The following PLCH1 variants were observed in gnomAD, a reference collection of about 807,000 sequenced individuals.
PLCH1 encodes phospholipase C eta 1, also known as 1-phosphatidylinositol 4,5-bisphosphate phosphodiesterase eta-1.
A neutral mutation model predicts 126.7 loss-of-function variants in PLCH1; 60 were observed. The ratio of observed to expected loss-of-function variants is 0.47; its 90% CI spans 0.38 to 0.59. PLCH1 has a LOEUF of 0.59. Among genes scored for constraint, PLCH1 ranks in the 20% least tolerant of loss-of-function variants. The pLI, the probability that PLCH1 is intolerant of heterozygous loss-of-function variation, is 0.00. For missense variants in PLCH1, 1,723 were observed against 2,040.0 expected (o/e 0.84, Z 2.99); for synonymous variants, 719 against 734.9 (o/e 0.98, Z 0.35).
chr3:155,637,364 A>G (rs1219284368), intron 2 of PLCH1, among the ~76,000 whole-genome samples: 2 of 152,358 alleles, frequency 1.3e-5, no homozygotes, highest in South Asian at 2.1e-4. Flanking sequence ...AAGGAATTCG[A>G]AAGTTCTATA....
At chr3:155,524,730 C>A (rs1576907610) in intron 10 of PLCH1, among the ~76,000 whole-genome samples, 1 of 152,042 alleles carries the variant, frequency 6.6e-6, no homozygotes, top group Admixed American at 6.5e-5. Flanking sequence ...TGACTTGGAA[C>A]CTGGAGCCAG....
At chr3:155,586,958 A>G (rs1372217042) in intron 4 of PLCH1, among the ~76,000 whole-genome samples, 1 of 152,188 alleles carries the variant, frequency 6.6e-6, no homozygotes, top group Non-Finnish European at 1.5e-5. Context: ...AGAAAATGAC[A>G]CCTTAATTCA....
At chr3:155,502,229 A>G (rs1718013453) in intron 13 of PLCH1, among the ~76,000 whole-genome samples, 1 of 152,120 alleles carries the variant, frequency 6.6e-6, no homozygotes, top group South Asian at 2.1e-4. Context: ...CTAGCTTCCT[A>G]TTGGATCTTT....
In PLCH1 at chr3:155,722,622, T is replaced by C. The variant is rs148785343; in HGVS notation, c.-40-18358A>G. Reference sequence around the variant, plus strand: ...AATTCTGTTTATGTGGTGTATCATATTCATTGATTTGCACATGTGAAACCA... The same window carrying C: ...AATTCTGTTTATGTGGTGTATCATACTCATTGATTTGCACATGTGAAACCA... On this transcript the variant is annotated intron_variant, in intron 1 of 22. Transcript: ENST00000460012. Among the ~76,000 whole-genome samples, 13 of 152,356 alleles carry C rather than the reference T, an allele frequency of 8.5e-5. No homozygotes were observed. The East Asian group carries it at 1.2e-3, about 14-fold the overall frequency.
intron 5 of PLCH1, among the ~76,000 whole-genome samples, chr3:155,584,471 T>A (rs992335135): frequency 1.3e-5 from 2 of 152,226 alleles, no homozygotes; most frequent in Non-Finnish European, 2.9e-5. Context: ...TTAAAATTGT[T>A]TCTAGTAATT....
At chr3:155,708,943 C>T (rs1408827322) in intron 1 of PLCH1, among the ~76,000 whole-genome samples, 1 of 152,146 alleles carries the variant, frequency 6.6e-6, no homozygotes, top group Non-Finnish European at 1.5e-5. Flanking sequence ...ATTCTCCCTC[C>T]CTCCCCCTTA....
chr3:155,652,321 A>G (rs1161986378), intron 2 of PLCH1, among the ~76,000 whole-genome samples: 1 of 152,210 alleles, frequency 6.6e-6, no homozygotes, highest in Non-Finnish European at 1.5e-5. Context: ...TATCTAATGG[A>G]CACGAAGAAG....
chr3:155,515,853 T>C (rs779901046), intron 11 of PLCH1, among the ~76,000 whole-genome samples: 5 of 152,230 alleles, frequency 3.3e-5, no homozygotes, highest in Non-Finnish European at 7.3e-5. Context: ...TCCCACATTC[T>C]TCACGAAAAG....
chr3:155,480,886 C>T lies in PLCH1; in HGVS notation c.*82G>A. 8.3e-7 allele frequency: 1 copy of T among 1,210,742 alleles called. No homozygotes were observed. The highest frequency in any genetic ancestry group is 1.1e-6 in the Non-Finnish European group (1 of 870,546). The allele number at this position is 1,210,742 out of a possible 1,614,324, so 75.0% of individuals were successfully genotyped here. On this transcript the variant is annotated 3_prime_UTR_variant, in exon 23 of 23. Transcript: ENST00000460012. ...TTAAAAATACATTTGAAAATCATTC[C>T]AAAGCCAAGGAACTTATTTACTGAA...
rs1279898207 is a variant in PLCH1 at position 155,688,459 on chromosome 3, G to A, written c.79+15687C>T. 3.3e-5 allele frequency among the ~76,000 whole-genome samples: 5 copies of A among 152,184 alleles called. No individual in the cohort carries two copies. The East Asian group carries it at 9.6e-4, about 29-fold the overall frequency. On this transcript the variant is annotated intron_variant, in intron 2 of 22. Transcript: ENST00000460012. Reference sequence around the variant, plus strand: ...CCAGGAGCAAGATGGCAGAACAGAAGCCTACACCATTCATCCCCACTGCTG... The same window carrying A: ...CCAGGAGCAAGATGGCAGAACAGAAACCTACACCATTCATCCCCACTGCTG...
rs1352688948 is a variant in PLCH1 at position 155,481,418 on chromosome 3, C to T, written c.4608G>A (p.Glu1536=). The stretch of plus-strand genomic sequence containing the variant: ...CAAAGGACACAAGCTTCCGAAGCTG[C>T]TCGGTCAGGGCATCTATAGGCTCTA... ...KSLEPIDALT[E]QLRKLVSFDQ... The change falls in exon 23 of 23, where the codon GAG becomes GAA. Residue 1536 remains glutamate, a synonymous_variant. Transcript: ENST00000460012. This position sits in a 1 kb window ranked among gnomAD's most constrained non-coding sequence, Gnocchi z 4.2. 2.5e-6 allele frequency: 4 copies of T among 1,614,210 alleles called. No homozygotes were observed. The highest frequency in any genetic ancestry group is 2.5e-6 in the Non-Finnish European group (3 of 1,180,036).
At chr3:155,625,440 A>T (rs1737108886) in intron 2 of PLCH1, among the ~76,000 whole-genome samples, 1 of 152,246 alleles carries the variant, frequency 6.6e-6, no homozygotes, top group Non-Finnish European at 1.5e-5. Context: ...AGAAACTATC[A>T]TCAGAATGAA....
At chr3:155,566,798 G>A (rs1051546706) in intron 7 of PLCH1, among the ~76,000 whole-genome samples, 6 of 151,990 alleles carry the variant, frequency 3.9e-5, no homozygotes, top group Non-Finnish European at 8.8e-5. Context: ...TAAATACATG[G>A]ATGACTCACA....
At chr3:155,502,441 T>C (rs1221394435) in intron 13 of PLCH1, among the ~76,000 whole-genome samples, 3 of 152,194 alleles carry the variant, frequency 2.0e-5, no homozygotes, top group African/African-American at 7.2e-5. Context: ...TTTAGTTAGG[T>C]GAAGTACTCC....
intron 1 of PLCH1, among the ~76,000 whole-genome samples, chr3:155,725,232 C>T (rs1275669816): frequency 6.6e-6 from 1 of 152,074 alleles, no homozygotes; most frequent in Non-Finnish European, 1.5e-5. Context: ...ATAGGCTTTT[C>T]TTTATAGGCT....
intron 6 of PLCH1, among the ~76,000 whole-genome samples, chr3:155,574,166 C>T (rs908641478): frequency 1.3e-5 from 2 of 152,064 alleles, no homozygotes; most frequent in African/African-American, 2.4e-5. Context: ...CTGCCTGCCT[C>T]GGCCTCCCAA....
Position 155,738,627 on chromosome 3 carries a change from C to CA in PLCH1, c.-41+6212dup, listed in dbSNP as rs1259466244. The stretch of plus-strand genomic sequence containing the variant: ...TGAAACCCTGTCTCTACTAAAAATA[C>CA]AAAAAAAAAATTAGTTGGGCGTGCT... On this transcript the variant is annotated intron_variant, in intron 1 of 22. Coordinates refer to ENST00000460012, the MANE Select transcript of PLCH1 (RefSeq NM_014996.4). Among the ~76,000 whole-genome samples, 1,125 of 148,590 alleles carry CA rather than the reference C, an allele frequency of 7.6e-3. 17 individuals carry two copies. Among genetic ancestry groups the CA allele is most frequent in the African/African-American group, 0.026 (1,053 of 40,598 alleles).
Position 155,481,220 on chromosome 3 carries a change from C to A in PLCH1, c.4806G>T (p.Gly1602=), listed in dbSNP as rs1201016134. The change falls in exon 23 of 23, where the codon GGG becomes GGT. Residue 1602 remains glycine, a synonymous_variant. Coordinates refer to ENST00000460012, the MANE Select transcript of PLCH1 (RefSeq NM_014996.4). This position sits in a 1 kb window ranked among gnomAD's most constrained non-coding sequence, Gnocchi z 4.2. ...GTTTGTTTCTAAGAACCACTCCTGCCCCATTGCTGGGGTTTGGAACTTTCT... is the reference window on the plus strand; with the variant it reads ...GTTTGTTTCTAAGAACCACTCCTGCACCATTGCTGGGGTTTGGAACTTTCT... ...NKQKVPNPSN[G]AGVVLRNKPS... is the part of the protein sequence containing the mutation. The A allele has an allele frequency of 3.1e-6, 5 of 1,614,028 alleles. No homozygotes were observed. Among genetic ancestry groups the A allele is most frequent in the African/African-American group, 1.3e-5 (1 of 74,908 alleles).
At chr3:155,506,618 T>C (rs1718794338) in intron 12 of PLCH1, among the ~76,000 whole-genome samples, 1 of 141,048 alleles carries the variant, frequency 7.1e-6, no homozygotes, top group Admixed American at 7.1e-5. Context: ...TTTTTTGTTC[T>C]TGCGATAGTT....
Sources: allele counts gnomAD v4.1 joint callset (sites outside exome capture counted in the v4.1 genomes callset), GRCh38; gene constraint gnomAD v4.1.1; non-coding constraint Gnocchi (gnomAD v3.1); transcripts MANE v1.5; gene names NCBI Gene and HGNC (gene_info 2026-07-23, HGNC 2026-07-21).